The following WWOX variants were observed in gnomAD, a reference collection of about 807,000 sequenced individuals.
WWOX encodes WW domain containing oxidoreductase, also known as WW domain-containing oxidoreductase.
A neutral mutation model predicts 46.2 loss-of-function variants in WWOX; 69 were observed. That is an observed-to-expected ratio of 1.49 (90% CI 1.23 to 1.82). The LOEUF is 1.82. WWOX is among the 40% of genes most tolerant of loss of function. The pLI is 0.00. For synonymous variants in WWOX, 359 were observed against 202.6 expected (o/e 1.77, Z -6.56); for missense variants, 919 against 542.6 (o/e 1.69, Z -6.89).
chr16:78,742,515 A>G (rs576175721), intron 8 of WWOX, among the ~76,000 whole-genome samples: 18 of 152,342 alleles, frequency 1.2e-4, no homozygotes, highest in Non-Finnish European at 1.3e-4. Context: ...GGTATGTACT[A>G]GGTGCCCTAG....
At chr16:79,028,534 C>G (rs1462961405) in intron 8 of WWOX, among the ~76,000 whole-genome samples, 2 of 151,642 alleles carry the variant, frequency 1.3e-5, no homozygotes, top group South Asian at 2.1e-4. Context: ...CTCCCTCCCT[C>G]CCATCCTTTC....
chr16:78,613,622 C>G (rs184682894), intron 8 of WWOX, among the ~76,000 whole-genome samples: 11 of 152,300 alleles, frequency 7.2e-5, no homozygotes, highest in Admixed American at 2.6e-4. Context: ...GATGCAATCA[C>G]CACTACTGTT....
intron 8 of WWOX, among the ~76,000 whole-genome samples, chr16:78,772,409 A>G (rs772693148): frequency 2.6e-5 from 4 of 152,096 alleles, no homozygotes; most frequent in Admixed American, 1.3e-4. Flanking sequence ...TCCATGGTGT[A>G]TATTCACTAC....
intron 8 of WWOX, among the ~76,000 whole-genome samples, chr16:78,852,333 G>A (rs1203357175): frequency 6.6e-6 from 1 of 152,146 alleles, no homozygotes; most frequent in African/African-American, 2.4e-5. Flanking sequence ...GAAGCTAGGT[G>A]ACAAAATACA....
Position 78,834,405 on chromosome 16 carries a change from C to G in WWOX, c.1057-377203C>G, listed in dbSNP as rs144823168. On this transcript the variant is annotated intron_variant, in intron 8 of 8. Coordinates refer to ENST00000566780, the MANE Select transcript of WWOX (RefSeq NM_016373.4). ...TCTCATAAATCGGCACAAATTGAAT[C>G]TAGGTTTCTAGGTTTCTGTGCCCCT... 2.5e-3 allele frequency among the ~76,000 whole-genome samples: 377 copies of G among 152,248 alleles called. 1 individual carries two copies. The highest frequency in any genetic ancestry group is 0.024 in the Middle Eastern group (7 of 294).
intron 8 of WWOX, among the ~76,000 whole-genome samples, chr16:78,632,856 C>A (rs1165455876): frequency 2.6e-5 from 4 of 151,896 alleles, no homozygotes; most frequent in Non-Finnish European, 5.9e-5. Context: ...CTGCGCCCGG[C>A]CTACTTGGCC....
chr16:79,200,660 G>C (rs1288817966), intron 8 of WWOX, among the ~76,000 whole-genome samples: 1 of 152,048 alleles, frequency 6.6e-6, no homozygotes, highest in Admixed American at 6.6e-5. Flanking sequence ...TTACAGTTGG[G>C]ATTAGACTAA....
At chr16:78,479,918 T>A (rs906210499) in intron 8 of WWOX, among the ~76,000 whole-genome samples, 1 of 152,138 alleles carries the variant, frequency 6.6e-6, no homozygotes, top group African/African-American at 2.4e-5. Context: ...GAGGAACCAA[T>A]GACAATGGAG....
In WWOX at chr16:79,186,586, T is replaced by G. The variant is rs375838409; in HGVS notation, c.1057-25022T>G. 2.6e-5 allele frequency among the ~76,000 whole-genome samples: 4 copies of G among 152,328 alleles called. No individual in the cohort carries two copies. In the East Asian group the frequency reaches 7.7e-4, roughly 29 times the overall value. ...CTCTGTATTCCAATCTAATTACATG[T>G]CTATTTCCAAGTAACGTCACATTCT... On this transcript the variant is annotated intron_variant, in intron 8 of 8. Transcript: ENST00000566780.
chr16:79,134,235 A>G (rs1381606029), intron 8 of WWOX, among the ~76,000 whole-genome samples: 1 of 152,146 alleles, frequency 6.6e-6, no homozygotes, highest in Non-Finnish European at 1.5e-5. Context: ...GTTATAAATA[A>G]CTGCTGAGGG....
chr16:78,160,006 A>G (rs530470473), intron 4 of WWOX, among the ~76,000 whole-genome samples: 2 of 151,294 alleles, frequency 1.3e-5, no homozygotes, highest in South Asian at 4.2e-4. Context: ...AGTTTTTTCA[A>G]TTGACAGACT....
intron 5 of WWOX, among the ~76,000 whole-genome samples, chr16:78,345,220 C>T (rs1330741055): frequency 8.6e-6 from 1 of 116,922 alleles, no homozygotes; most frequent in South Asian, 2.6e-4. Flanking sequence ...GCACAATCTC[C>T]AGCAAGCTAA....
chr16:78,450,870 G>A (rs1334558236), intron 8 of WWOX, among the ~76,000 whole-genome samples: 1 of 152,104 alleles, frequency 6.6e-6, no homozygotes, highest in Admixed American at 6.6e-5. Context: ...TATTTCAAAA[G>A]AATTAGGTTC....
In WWOX at chr16:78,338,308, T is replaced by G. The variant is rs1475554674; in HGVS notation, c.517-48552T>G. 2.5e-5 allele frequency among the ~76,000 whole-genome samples: 3 copies of G among 121,768 alleles called. 1 individual carries two copies. Among genetic ancestry groups the G allele is most frequent in the Non-Finnish European group, 5.9e-5 (3 of 50,914 alleles). 79.9% of individuals were successfully genotyped at this position (121,768 alleles called of 152,430 possible). A position where few individuals can be genotyped will look rare whatever the true frequency, so the allele number is the denominator to read the frequency against. On this transcript the variant is annotated intron_variant, in intron 5 of 8. Transcript: ENST00000566780. ...GGAAATGTAGACACCAACACCCTCA[T>G]GGATTCCCAGCTGCTGAGAGTTTGA...
chr16:78,777,448 GC>G (rs1398506733), intron 8 of WWOX, among the ~76,000 whole-genome samples: 1 of 152,114 alleles, frequency 6.6e-6, no homozygotes, highest in Non-Finnish European at 1.5e-5. Flanking sequence ...GTGTCTAGTG[GC>G]TGTCGTATTG....
At chr16:78,828,131 G>A (rs925302581) in intron 8 of WWOX, among the ~76,000 whole-genome samples, 6 of 152,188 alleles carry the variant, frequency 3.9e-5, no homozygotes, top group African/African-American at 1.4e-4. Flanking sequence ...ACAGGAGGCA[G>A]CAAGTGACAG....
At chr16:78,787,692 A>G (rs539506201) in intron 8 of WWOX, among the ~76,000 whole-genome samples, 53 of 152,170 alleles carry the variant, frequency 3.5e-4, no homozygotes, top group Non-Finnish European at 7.3e-4. Flanking sequence ...GGGGAGTGGC[A>G]TTGCTGGGTA....
At chr16:79,021,031 G>C (rs982935776) in intron 8 of WWOX, among the ~76,000 whole-genome samples, 2 of 152,140 alleles carry the variant, frequency 1.3e-5, no homozygotes, top group South Asian at 2.1e-4. Flanking sequence ...GGATACACAA[G>C]CTTCAAAAAG....
chr16:79,155,990 CACTT>C (rs1241795307), intron 8 of WWOX, among the ~76,000 whole-genome samples: 1 of 152,032 alleles, frequency 6.6e-6, no homozygotes, highest in East Asian at 1.9e-4. Flanking sequence ...ACTCATAACT[CACTT>C]AGTCATTTCA....
Sources: allele counts gnomAD v4.1 joint callset (sites outside exome capture counted in the v4.1 genomes callset), GRCh38; gene constraint gnomAD v4.1.1; transcripts MANE v1.5; gene names NCBI Gene and HGNC (gene_info 2026-07-23, HGNC 2026-07-21).